Variants in POLA1 observed in about 807,000 individuals in gnomAD.
POLA1 encodes DNA polymerase alpha catalytic subunit.
In POLA1, 15 loss-of-function variants were observed where a neutral mutation model predicts 124.0. The observed-to-expected ratio is 0.12, with a 90% CI of 0.08 to 0.19. The LOEUF is 0.19. Among genes scored for constraint, POLA1 ranks in the 10% least tolerant of loss-of-function variants. The pLI, the probability that POLA1 is intolerant of heterozygous loss-of-function variation, is 1.00. For missense variants in POLA1, 886 were observed against 1,103.4 expected (o/e 0.80, Z 2.79); for synonymous variants, 408 against 389.4 (o/e 1.05, Z -0.56).
At chrX:24,769,097 C>T (rs1004937975) in intron 26 of POLA1, among the ~76,000 whole-genome samples, 4 of 111,797 alleles carry the variant, frequency 3.6e-5, no homozygotes, top group African/African-American at 9.8e-5. Context: ...GTAGATTTCA[C>T]CGAATTTGGA....
At chrX:24,736,791 A>G (rs371568216) in intron 18 of POLA1, among the ~76,000 whole-genome samples, 97 of 111,691 alleles carry the variant, frequency 8.7e-4, no homozygotes, top group African/African-American at 3.0e-3. Context: ...TAAAACTGAA[A>G]CGCTGTACTC....
chrX:24,843,526 A>G lies in POLA1; in HGVS notation c.3916-20A>G, dbSNP rs1370080464. 6.1e-6 allele frequency: 7 copies of G among 1,139,614 alleles called. No homozygotes were observed. Among genetic ancestry groups the G allele is most frequent in the Non-Finnish European group, 8.2e-6 (7 of 857,039 alleles). The allele number at this position is 1,139,614 out of a possible 1,213,427, so 93.9% of individuals were successfully genotyped here. ...ATAGCCTCACAGTAATTTTTTGTAT[A>G]CTTCTCCTGACTTATGTAGGGAACA... On this transcript the variant is annotated intron_variant, in intron 33 of 36. Coordinates refer to ENST00000379068, the MANE Select transcript of POLA1 (RefSeq NM_001330360.2).
chrX:24,782,862 A>G (rs968997712), intron 26 of POLA1, among the ~76,000 whole-genome samples: 1 of 111,457 alleles, frequency 9.0e-6, no homozygotes, highest in Non-Finnish European at 1.9e-5. Flanking sequence ...TTGAAAATGT[A>G]GTAAATGTAA....
chrX:24,742,501 A>G (rs1716517816), intron 22 of POLA1, among the ~76,000 whole-genome samples: 1 of 112,207 alleles, frequency 8.9e-6, no homozygotes, highest in Admixed American at 9.4e-5. Flanking sequence ...ATTTTTCTGT[A>G]CTAGTATGAC....
chrX:24,941,760 T>A (rs1035468627), intron 36 of POLA1, among the ~76,000 whole-genome samples: 1 of 112,105 alleles, frequency 8.9e-6, no homozygotes, highest in African/African-American at 3.2e-5. Context: ...TTGAGTTAAA[T>A]CAACACTGAT....
chrX:24,938,930 A>G (rs2047883480), intron 36 of POLA1, among the ~76,000 whole-genome samples: 1 of 112,555 alleles, frequency 8.9e-6, no homozygotes. Context: ...AGTATATGAA[A>G]GTTGCCATAT....
chrX:24,884,272 C>T (rs995343066), intron 34 of POLA1, among the ~76,000 whole-genome samples: 1 of 111,077 alleles, frequency 9.0e-6, no homozygotes, highest in Admixed American at 9.6e-5. Flanking sequence ...TCTCAGCCTC[C>T]CGAGTAACTG....
At chrX:24,735,789 A>T (rs905526763) in intron 18 of POLA1, among the ~76,000 whole-genome samples, 13 of 111,950 alleles carry the variant, frequency 1.2e-4, no homozygotes, top group Non-Finnish European at 1.5e-4. Context: ...TATCGCCAAA[A>T]TATTGACTTA....
chrX:24,946,237 G>T (rs750645326), intron 36 of POLA1, among the ~76,000 whole-genome samples: 1 of 111,089 alleles, frequency 9.0e-6, no homozygotes, highest in East Asian at 2.8e-4. Context: ...CAGCTGACTG[G>T]ATCCTGGGTA....
In POLA1 at chrX:24,820,721, T is replaced by G. The variant is rs1376761741; in HGVS notation, c.3430-731T>G. The stretch of plus-strand genomic sequence containing the variant: ...ATAGCTTATTTTAGAGGTTTTTTTT[T>G]TTTTTGGAGGGGAGGTGGAGGGTAG... On this transcript the variant is annotated intron_variant, in intron 30 of 36. Transcript: ENST00000379068. 4.5e-5 allele frequency among the ~76,000 whole-genome samples: 5 copies of G among 110,239 alleles called. No homozygotes were observed. The Admixed American group carries it at 4.9e-4, about 11-fold the overall frequency.
chrX:24,693,971 G>A lies in POLA1; in HGVS notation c.10G>A (p.Val4Met). 1 of 1,195,724 alleles carries A rather than the reference G, an allele frequency of 8.4e-7. No homozygotes were observed. Among genetic ancestry groups the A allele is most frequent in the African/African-American group, 1.7e-5 (1 of 57,591 alleles). The change falls in exon 1 of 37, where the codon GTG becomes ATG. Residue 4 changes from valine (V) to methionine (M), a missense_variant. Val to Met is a conservative substitution (Grantham distance 21). Around this residue, in one of 7 missense-constraint regions of POLA1, gnomAD observed 49 missense variants for 39.2 expected, o/e 1.25. Coordinates refer to ENST00000379068, the MANE Select transcript of POLA1 (RefSeq NM_001330360.2). The stretch of plus-strand genomic sequence containing the variant: ...CGGGAGATTCGGGACCATGGCACCT[G>A]TGCACGGCGACGACTGTGAGATAGG... MAP[V>M]HGDDCEIGAS...
At chrX:24,711,778 A>G (rs907782698) in intron 4 of POLA1, among the ~76,000 whole-genome samples, 1 of 111,468 alleles carries the variant, frequency 9.0e-6, no homozygotes, top group Non-Finnish European at 1.9e-5. Context: ...TTGTATTTTT[A>G]GTAGAGACGG....
At chrX:24,813,960 C>G (rs184187871) in intron 29 of POLA1, among the ~76,000 whole-genome samples, 251 of 111,416 alleles carry the variant, frequency 2.3e-3, no homozygotes, top group Non-Finnish European at 1.1e-3. Flanking sequence ...CATTTATAAA[C>G]TTGTTTTCTA....
intron 36 of POLA1, among the ~76,000 whole-genome samples, chrX:24,950,725 C>G (rs1255770399): frequency 3.6e-5 from 4 of 111,988 alleles, no homozygotes; most frequent in Admixed American, 9.5e-5. Context: ...CCCAAGATTC[C>G]TAGTTCAGAT....
At chrX:24,752,060 G>T (rs1932351831) in intron 26 of POLA1, among the ~76,000 whole-genome samples, 1 of 111,666 alleles carries the variant, frequency 9.0e-6, no homozygotes, top group Non-Finnish European at 1.9e-5. Flanking sequence ...GCCTAGGGAG[G>T]CCTTGAAGCC....
In POLA1 at chrX:24,923,694, A is replaced by C. The variant is rs567704081; in HGVS notation, c.4165-6759A>C. Among the ~76,000 whole-genome samples the C allele has an allele frequency of 2.7e-5, 3 of 112,218 alleles. No individual in the cohort carries two copies. In the South Asian group the frequency reaches 1.1e-3, roughly 42 times the overall value. The stretch of plus-strand genomic sequence containing the variant: ...AGCGGCTGATTAATGAAGTGGTGGC[A>C]ATGTTTTGTATTAGAACTAATTGAA... On this transcript the variant is annotated intron_variant, in intron 35 of 36. Coordinates refer to ENST00000379068, the MANE Select transcript of POLA1 (RefSeq NM_001330360.2).
intron 4 of POLA1, among the ~76,000 whole-genome samples, chrX:24,707,949 C>T (rs1469118777): frequency 8.0e-5 from 9 of 111,968 alleles, no homozygotes; most frequent in African/African-American, 2.6e-4. Context: ...GAGCCAAGAT[C>T]GTGCCACTGC....
chrX:24,974,846 G>C (rs748120510), intron 36 of POLA1, among the ~76,000 whole-genome samples: 7 of 112,059 alleles, frequency 6.2e-5, no homozygotes, highest in Non-Finnish European at 9.4e-5. Flanking sequence ...TATAGGGCTA[G>C]TGAGATGGCT....
At chrX:24,763,574 C>G (rs1932837808) in intron 26 of POLA1, among the ~76,000 whole-genome samples, 1 of 111,108 alleles carries the variant, frequency 9.0e-6, no homozygotes, top group African/African-American at 3.3e-5. Context: ...GTGTAGGACT[C>G]AGTCTTAAGG....
Sources: allele counts gnomAD v4.1 joint callset (sites outside exome capture counted in the v4.1 genomes callset), GRCh38; gene constraint gnomAD v4.1.1; regional missense constraint gnomAD v4.1.1; transcripts MANE v1.5; gene names NCBI Gene and HGNC (gene_info 2026-07-23, HGNC 2026-07-21).